MYT1L: variants seen among roughly 807,000 people sequenced by gnomAD.
MYT1L encodes myelin transcription factor 1 like, also known as myelin transcription factor 1-like protein.
A neutral mutation model predicts 126.7 loss-of-function variants in MYT1L; 12 were observed. The observed-to-expected ratio is 0.09, with a 90% CI of 0.06 to 0.15. The LOEUF (loss-of-function observed/expected upper bound fraction) is 0.15. Ranked by LOEUF, MYT1L falls within the 10% of genes least tolerant of loss-of-function variation. The pLI is 1.00. For synonymous variants in MYT1L, 541 were observed against 604.2 expected (o/e 0.90, Z 1.53); for missense variants, 979 against 1,585.2 (o/e 0.62, Z 6.49).
At chr2:1,970,140 G>A (rs892126928) in intron 8 of MYT1L, among the ~76,000 whole-genome samples, 12 of 152,126 alleles carry the variant, frequency 7.9e-5, no homozygotes, top group African/African-American at 2.9e-4. Context: ...TTTGGGGCAG[G>A]CCAGAGGGGA....
intron 1 of MYT1L, among the ~76,000 whole-genome samples, chr2:2,309,091 A>T (rs2095908989): frequency 6.6e-6 from 1 of 151,620 alleles, no homozygotes; most frequent in African/African-American, 2.4e-5. Flanking sequence ...CTCCATCTAC[A>T]CTTCAGTGTA....
chr2:1,835,256 T>G (rs73913431), intron 21 of MYT1L, among the ~76,000 whole-genome samples: 6,688 of 152,288 alleles, frequency 0.044, 480 homozygotes, highest in African/African-American at 0.15. Context: ...TATCATAGCT[T>G]AGCCTAGCCC....
chr2:2,002,387 A>G (rs1006157177), intron 4 of MYT1L, among the ~76,000 whole-genome samples: 3 of 152,220 alleles, frequency 2.0e-5, no homozygotes, highest in Admixed American at 2.0e-4. Context: ...TGTAAAGTAC[A>G]GTTGGGTATC....
At chr2:1,980,209 T>C (rs1191320020) in intron 5 of MYT1L, among the ~76,000 whole-genome samples, 2 of 147,704 alleles carry the variant, frequency 1.4e-5, no homozygotes, top group Non-Finnish European at 3.0e-5. Flanking sequence ...TAAAAACAAA[T>C]ATTTATATAT....
intron 3 of MYT1L, among the ~76,000 whole-genome samples, chr2:2,170,832 T>C (rs1387927822): frequency 2.6e-5 from 4 of 152,214 alleles, no homozygotes; most frequent in African/African-American, 7.2e-5. Context: ...AGTGTGTGGC[T>C]GTCATGGTGA....
intron 3 of MYT1L, among the ~76,000 whole-genome samples, chr2:2,140,797 G>GACC (rs1273660993): frequency 2.0e-5 from 3 of 152,144 alleles, no homozygotes; most frequent in African/African-American, 7.2e-5. Flanking sequence ...TCAAATTCCT[G>GACC]ACCTCAGGTG....
chr2:2,301,115 C>T (rs769790288), intron 1 of MYT1L, among the ~76,000 whole-genome samples: 2 of 152,096 alleles, frequency 1.3e-5, no homozygotes, highest in African/African-American at 4.8e-5. Context: ...CACATTAATC[C>T]AAAGAGTGTT....
intron 18 of MYT1L, among the ~76,000 whole-genome samples, chr2:1,885,021 T>C (rs1400482361): frequency 6.6e-6 from 1 of 152,218 alleles, no homozygotes; most frequent in East Asian, 1.9e-4. Flanking sequence ...AACGAATCCC[T>C]GCAGTCTCTG....
In MYT1L at chr2:2,228,223, T is replaced by G. The variant is rs777798939; in HGVS notation, c.-420-55235A>C. Among the ~76,000 whole-genome samples the G allele has an allele frequency of 3.8e-4, 58 of 152,176 alleles. No homozygotes were observed. Among genetic ancestry groups the G allele is most frequent in the Non-Finnish European group, 7.3e-4 (50 of 68,034 alleles). ...CTGTAATATACATTTTGTATCAGGT[T>G]TGAATATCTGATAAAGTCATTTAGC... On this transcript the variant is annotated intron_variant, in intron 2 of 24. Coordinates refer to ENST00000647738, the MANE Select transcript of MYT1L (RefSeq NM_001303052.2). This position sits in a 1 kb window ranked among gnomAD's most constrained non-coding sequence, Gnocchi z 5.9.
intron 3 of MYT1L, among the ~76,000 whole-genome samples, chr2:2,136,122 G>C (rs1379264975): frequency 6.6e-6 from 1 of 152,108 alleles, no homozygotes; most frequent in Non-Finnish European, 1.5e-5. Context: ...ACTAACACAG[G>C]AACAGAAAAC....
intron 3 of MYT1L, among the ~76,000 whole-genome samples, chr2:2,087,497 T>C (rs2076476019): frequency 6.6e-6 from 1 of 152,188 alleles, no homozygotes; most frequent in Non-Finnish European, 1.5e-5. Flanking sequence ...TCTATGCTGC[T>C]GAGGGGATCA....
intron 21 of MYT1L, among the ~76,000 whole-genome samples, 188 bp downstream of exon 21, chr2:1,838,961 A>G (rs2041266131): frequency 6.6e-6 from 1 of 152,220 alleles, no homozygotes; most frequent in African/African-American, 2.4e-5. Flanking sequence ...CCCTAATGTA[A>G]GTTTAAGATG....
intron 2 of MYT1L, among the ~76,000 whole-genome samples, chr2:2,261,098 C>A (rs2094953099): frequency 6.6e-6 from 1 of 152,024 alleles, no homozygotes; most frequent in Non-Finnish European, 1.5e-5. Flanking sequence ...CTCAACTCAC[C>A]CTACCGCCCT....
intron 2 of MYT1L, among the ~76,000 whole-genome samples, chr2:2,280,429 T>TA (rs1180430011): frequency 2.0e-5 from 3 of 152,140 alleles, no homozygotes; most frequent in Non-Finnish European, 4.4e-5. Flanking sequence ...GAGTGAAAAA[T>TA]TTGGAAGAGT....
intron 2 of MYT1L, among the ~76,000 whole-genome samples, chr2:2,249,520 AT>A (rs917604801): frequency 1.3e-5 from 2 of 150,698 alleles, no homozygotes; most frequent in African/African-American, 2.4e-5. Flanking sequence ...AGAAAAAAAA[AT>A]CAAATAAAAA....
chr2:2,278,170 T>TG, intron 2 of MYT1L, among the ~76,000 whole-genome samples: 1 of 152,240 alleles, frequency 6.6e-6, no homozygotes, highest in South Asian at 2.1e-4. Context: ...GAGGCACTAA[T>TG]GGGTGGCCTA....
intron 3 of MYT1L, among the ~76,000 whole-genome samples, chr2:2,060,372 C>T (rs907573004): frequency 2.0e-5 from 3 of 152,138 alleles, no homozygotes; most frequent in African/African-American, 7.2e-5. Context: ...AAGATTTTTA[C>T]TTTCCCCCTT....
At chr2:2,288,768 A>G (rs1559561477) in intron 1 of MYT1L, among the ~76,000 whole-genome samples, 1 of 152,196 alleles carries the variant, frequency 6.6e-6, no homozygotes, top group Non-Finnish European at 1.5e-5. Flanking sequence ...TAATTTTACA[A>G]TGAGCTACAC....
At chr2:2,256,883 AGTGTGCAT>A (rs1320667339) in intron 2 of MYT1L, among the ~76,000 whole-genome samples, 1 of 152,216 alleles carries the variant, frequency 6.6e-6, no homozygotes, top group African/African-American at 2.4e-5. Context: ...CATGTATGAG[AGTGTGCAT>A]GTGTGTGTAA....
Sources: allele counts gnomAD v4.1 joint callset (sites outside exome capture counted in the v4.1 genomes callset), GRCh38; gene constraint gnomAD v4.1.1; non-coding constraint Gnocchi (gnomAD v3.1); transcripts MANE v1.5; gene names NCBI Gene and HGNC (gene_info 2026-07-23, HGNC 2026-07-21).